Variants in RGS8 observed in about 807,000 individuals in gnomAD.
RGS8 encodes regulator of G protein signaling 8, also known as regulator of G-protein signaling 8.
In RGS8, 8 loss-of-function variants were observed where a neutral mutation model predicts 21.7. That is an observed-to-expected ratio of 0.37 (90% CI 0.22 to 0.66). RGS8 has a LOEUF of 0.66. Ranked by LOEUF, RGS8 falls within the 30% of genes least tolerant of loss-of-function variation. The probability of loss-of-function intolerance (pLI) is 0.59; values close to 1 mark genes in which losing one functional copy is unlikely to be tolerated. For missense variants in RGS8, 157 were observed against 217.9 expected (o/e 0.72, Z 1.76); for synonymous variants, 80 against 83.6 (o/e 0.96, Z 0.24).
the RGS8 span, among the ~76,000 whole-genome samples, chr1:182,725,753 G>A: frequency 3.3e-5 from 5 of 152,276 alleles, no homozygotes; most frequent in South Asian, 1.0e-3. Flanking sequence ...TCTGGAATTC[G>A]GTGGGCTCAG....
chr1:182,647,226 C>A (rs1662746278), intron 6 of RGS8, among the ~76,000 whole-genome samples: 1 of 152,218 alleles, frequency 6.6e-6, no homozygotes, highest in African/African-American at 2.4e-5. Flanking sequence ...ACTTGAATCC[C>A]TAATCCAGGG....
chr1:182,686,870 A>G (rs564620712), upstream of RGS8, among the ~76,000 whole-genome samples: 1 of 152,292 alleles, frequency 6.6e-6, no homozygotes, highest in East Asian at 1.9e-4. Context: ...GCAGAGAAAG[A>G]GGAGCCAACC....
the RGS8 span, among the ~76,000 whole-genome samples, chr1:182,719,342 CAAGAA>C: frequency 3.5e-4 from 45 of 127,336 alleles, no homozygotes; most frequent in Non-Finnish European, 6.0e-4. Flanking sequence ...AATGATACCA[CAAGAA>C]AAGAAGAAAA....
chr1:182,739,526 G>GA, the RGS8 span, among the ~76,000 whole-genome samples: 1 of 151,764 alleles, frequency 6.6e-6, no homozygotes, highest in Non-Finnish European at 1.5e-5. Context: ...CTTTTAAGAG[G>GA]AAAAAAAAGA....
At chr1:182,655,167 G>A (rs980833786) in intron 5 of RGS8, among the ~76,000 whole-genome samples, 8 of 152,202 alleles carry the variant, frequency 5.3e-5, no homozygotes, top group Non-Finnish European at 1.0e-4. Context: ...GTCTGTAAGT[G>A]GCAAGGATGC....
chr1:182,744,490 C>G, the RGS8 span, among the ~76,000 whole-genome samples: 2 of 152,168 alleles, frequency 1.3e-5, no homozygotes, highest in African/African-American at 4.8e-5. Context: ...CAACATTAGA[C>G]TGCATATAAG....
chr1:182,686,272 G>A (rs1664704583), upstream of RGS8, among the ~76,000 whole-genome samples: 1 of 152,180 alleles, frequency 6.6e-6, no homozygotes, highest in Non-Finnish European at 1.5e-5. Flanking sequence ...GGTCCATTGG[G>A]ACCACACGGT....
chr1:182,729,106 A>G, the RGS8 span, among the ~76,000 whole-genome samples: 1 of 152,272 alleles, frequency 6.6e-6, no homozygotes, highest in Non-Finnish European at 1.5e-5. Flanking sequence ...TCCTTTTTAA[A>G]ATTCAAGTTT....
chr1:182,645,750 G>C (rs1317563283), downstream of RGS8: 6 of 152,156 alleles, frequency 3.9e-5, no homozygotes, highest in Admixed American at 3.9e-4. Context: ...GCATGGAAGG[G>C]GGGAGGTGGA....
At chr1:182,646,586 T>G in exon 7 of RGS8, 1 of 685,666 alleles carries the variant, frequency 1.5e-6, no homozygotes. Context: ...GGGTCATACT[T>G]TGGAATGGCC....
chr1:182,661,285 C>G (rs1261744461), intron 5 of RGS8, among the ~76,000 whole-genome samples: 2 of 151,918 alleles, frequency 1.3e-5, no homozygotes, highest in African/African-American at 4.8e-5. Context: ...ACCCAGCATT[C>G]CCTGGGCCTG....
chr1:182,716,938 C>T, the RGS8 span, among the ~76,000 whole-genome samples: 1 of 152,146 alleles, frequency 6.6e-6, no homozygotes, highest in Non-Finnish European at 1.5e-5. Context: ...TTTCATCTGT[C>T]CAATCTCATC....
At chr1:182,699,795 C>G in the RGS8 span, among the ~76,000 whole-genome samples, 3 of 152,206 alleles carry the variant, frequency 2.0e-5, no homozygotes, top group Non-Finnish European at 4.4e-5. Context: ...TATCTCTATT[C>G]CTGGAGCCAA....
the RGS8 span, among the ~76,000 whole-genome samples, chr1:182,737,558 C>T: frequency 6.6e-6 from 1 of 152,300 alleles, no homozygotes; most frequent in South Asian, 2.1e-4. Flanking sequence ...TCCACACACT[C>T]TCTTGCCTGC....
At chr1:182,686,270 G>A (rs953060780), upstream of RGS8, among the ~76,000 whole-genome samples, 1 of 152,178 alleles carries the variant, frequency 6.6e-6, no homozygotes, top group African/African-American at 2.4e-5. Flanking sequence ...AGGGTCCATT[G>A]GGACCACACG....
the RGS8 span, chr1:182,734,682 G>A: frequency 6.6e-6 from 1 of 152,188 alleles, no homozygotes; most frequent in Non-Finnish European, 1.5e-5. Flanking sequence ...AACAAAGGAG[G>A]TGAGGGAATT....
At chr1:182,747,850 A>G in the RGS8 span, among the ~76,000 whole-genome samples, 37 of 149,412 alleles carry the variant, frequency 2.5e-4, 1 homozygote. Flanking sequence ...AAAAATACGA[A>G]AAAAAAAAAA....
chr1:182,708,160 C>T, the RGS8 span, among the ~76,000 whole-genome samples: 2 of 152,174 alleles, frequency 1.3e-5, no homozygotes, highest in Non-Finnish European at 2.9e-5. Flanking sequence ...CGTCTGACCC[C>T]AAACTCCTAA....
chr1:182,729,623 ATT>A, the RGS8 span, among the ~76,000 whole-genome samples: 8 of 152,224 alleles, frequency 5.3e-5, no homozygotes, highest in African/African-American at 1.9e-4. Context: ...ATGAAGGTAT[ATT>A]AATATACTGA....
Sources: gnomAD v4.1 joint callset for allele counts (sites outside exome capture counted in the v4.1 genomes callset) on GRCh38, gnomAD v4.1.1 for gene constraint, MANE v1.5 for transcripts, NCBI Gene and HGNC (gene_info 2026-07-23, HGNC 2026-07-21) for gene names.